The following IGF2BP3 variants were observed in gnomAD, a reference collection of about 807,000 sequenced individuals.
IGF2BP3 encodes the protein insulin-like growth factor 2 mRNA-binding protein 3.
IGF2BP3 carries 9 observed loss-of-function variants against 73.8 expected under a neutral mutation model. The ratio of observed to expected loss-of-function variants is 0.12; its 90% confidence interval spans 0.07 to 0.21. The LOEUF is 0.21. Among genes scored for constraint, IGF2BP3 ranks in the 10% least tolerant of loss-of-function variants. The pLI, the probability that IGF2BP3 is intolerant of heterozygous loss-of-function variation, is 1.00. For synonymous variants in IGF2BP3, 258 were observed against 256.7 expected, an observed-to-expected ratio of 1.01 and a Z score of -0.05; for missense variants, 542 against 714.0, an observed-to-expected ratio of 0.76 and a Z score of 2.75.
intron 3 of IGF2BP3, among the ~76,000 whole-genome samples, chr7:23,409,185 G>C (rs957149312): frequency 6.6e-6 from 1 of 152,200 alleles, no homozygotes; most frequent in African/African-American, 2.4e-5. Flanking sequence ...CTGTGGTACA[G>C]CCCAGTTCCT....
rs1783793356 is a variant in IGF2BP3 at position 23,310,281 on chromosome 7, A to G, written c.*2081T>C. 6.6e-6 allele frequency: 1 copy of G among 152,238 alleles called. No individual in the cohort carries two copies. Among genetic ancestry groups the G allele is most frequent in the South Asian group, 2.1e-4 (1 of 4,830 alleles). The allele number at this position is 152,238 out of a possible 1,614,324, so 9.4% of individuals were successfully genotyped here. A position where few individuals can be genotyped will look rare whatever the true frequency, so the allele number is the denominator to read the frequency against. ...AATGAAGCTGCATTTGGGGCACATT[A>G]TACATGAGGAATGATCCATATATGG... On this transcript the variant is annotated 3_prime_UTR_variant, in exon 15 of 15. Transcript: ENST00000258729.
At chr7:23,416,581 C>G (rs971235558) in intron 3 of IGF2BP3, among the ~76,000 whole-genome samples, 2 of 152,206 alleles carry the variant, frequency 1.3e-5, no homozygotes, top group African/African-American at 4.8e-5. Flanking sequence ...CATGTATATT[C>G]TACTGCATTA....
rs529789188 is a variant in IGF2BP3 at position 23,399,598 on chromosome 7, C to T, written c.285+19178G>A. On this transcript the variant is annotated intron_variant, in intron 3 of 14. Coordinates refer to ENST00000258729, the MANE Select transcript of IGF2BP3 (RefSeq NM_006547.3). ...TGGCTTCTAGAACAAAAATTAATTT[C>T]TGTTGCTTTAAACCACCAAGTTTGT... is the stretch of plus-strand genomic sequence containing the variant. Among the ~76,000 whole-genome samples the T allele has an allele frequency of 3.3e-5, 5 of 152,120 alleles. No homozygotes were observed. The East Asian group carries it at 9.6e-4, about 29-fold the overall frequency.
intron 3 of IGF2BP3, among the ~76,000 whole-genome samples, chr7:23,391,418 A>T (rs1162778670): frequency 6.6e-6 from 1 of 152,080 alleles, no homozygotes; most frequent in Non-Finnish European, 1.5e-5. Flanking sequence ...GCCTTTTAAA[A>T]TCTCAGTTGT....
intron 10 of IGF2BP3, among the ~76,000 whole-genome samples, chr7:23,329,610 T>A (rs1784393751): frequency 6.6e-6 from 1 of 152,226 alleles, no homozygotes; most frequent in African/African-American, 2.4e-5. Flanking sequence ...ACATTTATGA[T>A]ACCTTTGAAT....
chr7:23,364,610 C>T (rs1007057454), intron 3 of IGF2BP3, among the ~76,000 whole-genome samples: 4 of 146,580 alleles, frequency 2.7e-5, no homozygotes, highest in Admixed American at 6.8e-5. Flanking sequence ...GTGCAGTGGG[C>T]AACCTACTTA....
intron 3 of IGF2BP3, among the ~76,000 whole-genome samples, chr7:23,387,563 G>C (rs1311982486): frequency 6.6e-6 from 1 of 152,108 alleles, no homozygotes; most frequent in Admixed American, 6.6e-5. Flanking sequence ...GAGAAGACTG[G>C]GTCTAGGGTG....
At chr7:23,422,803 CTTTG>C (rs974365047) in intron 2 of IGF2BP3, among the ~76,000 whole-genome samples, 1 of 152,112 alleles carries the variant, frequency 6.6e-6, no homozygotes, top group Non-Finnish European at 1.5e-5. Flanking sequence ...CAGTGTTGTG[CTTTG>C]TTTTTCAGAT....
chr7:23,370,700 C>CA (rs1785516621), intron 3 of IGF2BP3, among the ~76,000 whole-genome samples: 1 of 150,094 alleles, frequency 6.7e-6, no homozygotes, highest in African/African-American at 2.5e-5. Flanking sequence ...TTTTTTAAGA[C>CA]AGAGTCTTGC....
rs1168482197 is a variant in IGF2BP3, at chr7:23,456,034, T to A, written c.236+12448A>T. ...CTGAAACCTAGCATAGAATCAACTA[T>A]GAGCACAGGCACTTAATCTATGCTT... On this transcript the variant is annotated intron_variant, in intron 2 of 14. Coordinates refer to ENST00000258729, the MANE Select transcript of IGF2BP3 (RefSeq NM_006547.3). 2.0e-5 allele frequency among the ~76,000 whole-genome samples: 3 copies of A among 152,142 alleles called. No individual in the cohort carries two copies. In the South Asian group the frequency reaches 6.2e-4, roughly 31 times the overall value.
intron 3 of IGF2BP3, among the ~76,000 whole-genome samples, chr7:23,399,948 A>AG (rs1401739384): frequency 1.3e-5 from 2 of 152,166 alleles, no homozygotes; most frequent in Non-Finnish European, 2.9e-5. Flanking sequence ...GAGCCATATG[A>AG]GCCAGTTTTT....
chr7:23,429,871 T>C (rs1244624898), intron 2 of IGF2BP3, among the ~76,000 whole-genome samples: 1 of 152,174 alleles, frequency 6.6e-6, no homozygotes, highest in Non-Finnish European at 1.5e-5. Flanking sequence ...CAACCTTTCA[T>C]CCAAATTACC....
chr7:23,396,120 T>C (rs575273686), intron 3 of IGF2BP3, among the ~76,000 whole-genome samples: 6 of 150,016 alleles, frequency 4.0e-5, no homozygotes, highest in African/African-American at 1.5e-4. Flanking sequence ...AGTGAGTGAA[T>C]ACTGACCAGC....
chr7:23,344,832 A>G (rs1047637576), intron 8 of IGF2BP3, among the ~76,000 whole-genome samples: 6 of 152,184 alleles, frequency 3.9e-5, no homozygotes, highest in Non-Finnish European at 8.8e-5. Context: ...AATGAAGACT[A>G]TTTCTCTTAG....
At chr7:23,441,633 A>AG (rs1396186309) in intron 2 of IGF2BP3, among the ~76,000 whole-genome samples, 3 of 141,250 alleles carry the variant, frequency 2.1e-5, no homozygotes, top group African/African-American at 5.1e-5. Flanking sequence ...CTGTAGATTT[A>AG]GGGAAAAAAA....
chr7:23,443,388 G>A (rs1431850566), intron 2 of IGF2BP3, among the ~76,000 whole-genome samples: 1 of 152,000 alleles, frequency 6.6e-6, no homozygotes, highest in African/African-American at 2.4e-5. Flanking sequence ...GCCTCCCAAA[G>A]TGCTGGGATT....
chr7:23,393,824 G>T (rs770712795), intron 3 of IGF2BP3, among the ~76,000 whole-genome samples: 2 of 152,138 alleles, frequency 1.3e-5, no homozygotes, highest in Non-Finnish European at 1.5e-5. Flanking sequence ...CCTAATCTAG[G>T]ATCAGTGAGA....
At chr7:23,458,667 C>T (rs1196152895) in intron 2 of IGF2BP3, among the ~76,000 whole-genome samples, 1 of 152,078 alleles carries the variant, frequency 6.6e-6, no homozygotes, top group Non-Finnish European at 1.5e-5. Context: ...GATGAAGCTA[C>T]TAAAAAACAC....
In IGF2BP3 at chr7:23,403,783, A is replaced by G. The variant is rs553514658; in HGVS notation, c.285+14993T>C. ...AATAAGAATAGCACAATTCCCTTCT[A>G]TATCTAGGGTTGGCTCTAAGAATAT... On this transcript the variant is annotated intron_variant, in intron 3 of 14. Transcript: ENST00000258729. 4.9e-4 allele frequency among the ~76,000 whole-genome samples: 74 copies of G among 152,160 alleles called. No homozygotes were observed. In the East Asian group the frequency reaches 9.8e-3, roughly 20 times the overall value.
Sources: allele counts gnomAD v4.1 joint callset (sites outside exome capture counted in the v4.1 genomes callset), GRCh38; gene constraint gnomAD v4.1.1; transcripts MANE v1.5; gene names NCBI Gene and HGNC (gene_info 2026-07-23, HGNC 2026-07-21).